The following KALRN variants were observed in gnomAD, a reference collection of about 807,000 sequenced individuals.
KALRN encodes kalirin RhoGEF kinase, also known as kalirin.
KALRN carries 70 observed loss-of-function variants against 353.7 expected under a neutral mutation model. That is an observed-to-expected ratio of 0.20 (90% confidence interval 0.16 to 0.24). The LOEUF (loss-of-function observed/expected upper bound fraction) is 0.24, where lower values mean the gene tolerates loss of function less well. Among genes scored for constraint, KALRN ranks in the 10% least tolerant of loss-of-function variants. KALRN has a pLI of 1.00. For synonymous variants in KALRN, 1,391 were observed against 1,434.8 expected, an observed-to-expected ratio of 0.97 and a Z score of 0.69; for missense variants, 2,791 against 3,756.7, an observed-to-expected ratio of 0.74 and a Z score of 6.72.
At chr3:124,672,763 G>C (rs2086622567) in intron 48 of KALRN, among the ~76,000 whole-genome samples, 2 of 152,182 alleles carry the variant, frequency 1.3e-5, no homozygotes, top group Admixed American at 1.3e-4. Context: ...AGGCAAACCT[G>C]GTTTCTATTC....
chr3:124,045,586 A>T (rs1003523457), intron 1 of KALRN, among the ~76,000 whole-genome samples: 1 of 152,202 alleles, frequency 6.6e-6, no homozygotes, highest in Non-Finnish European at 1.5e-5. Context: ...AGAACTAATC[A>T]ATTTTAGCAT....
intron 6 of KALRN, among the ~76,000 whole-genome samples, chr3:124,323,839 C>A (rs1398424616): frequency 6.6e-6 from 1 of 152,228 alleles, no homozygotes; most frequent in East Asian, 1.9e-4. Flanking sequence ...CTCTATCAGA[C>A]ACTGTCAATG....
rs143236975 is a variant in KALRN, at chr3:124,498,257, C to T, written c.4935+1844C>T. Among the ~76,000 whole-genome samples, 161 of 152,340 alleles carry T rather than the reference C, an allele frequency of 1.1e-3. 2 individuals are homozygous for T. The highest frequency in any genetic ancestry group is 1.9e-3 in the Admixed American group (29 of 15,306). On this transcript the variant is annotated intron_variant, in intron 33 of 59. Transcript: ENST00000682506. ...CAGTGCTCACATATTCATGTAGAAGCACCCATCATGTGCCAAGCTCTGTGC... is the reference window on the plus strand; with the variant it reads ...CAGTGCTCACATATTCATGTAGAAGTACCCATCATGTGCCAAGCTCTGTGC...
intron 51 of KALRN, among the ~76,000 whole-genome samples, chr3:124,690,821 C>A (rs2061774724): frequency 6.6e-6 from 1 of 152,198 alleles, no homozygotes; most frequent in Non-Finnish European, 1.5e-5. Context: ...TCCCAAAGTG[C>A]TGGGATTACA....
chr3:124,434,251 C>A, intron 16 of KALRN, 56 bp from the exon 17 acceptor site: 2 of 1,417,680 alleles, frequency 1.4e-6, no homozygotes, highest in South Asian at 1.2e-5. Context: ...TCCACCCCCT[C>A]CCATACCACG....
chr3:124,403,758 G>A (rs1286602291), intron 13 of KALRN, among the ~76,000 whole-genome samples: 1 of 152,200 alleles, frequency 6.6e-6, no homozygotes, highest in Non-Finnish European at 1.5e-5. Context: ...ATTCAACTCA[G>A]TAAACATTTG....
At chr3:124,326,236 C>A in intron 7 of KALRN, 65 bp downstream of exon 7, 1 of 1,408,276 alleles carries the variant, frequency 7.1e-7, no homozygotes, top group African/African-American at 1.4e-5. Flanking sequence ...CAGGGGAGGG[C>A]TGGATGGGAG....
rs541314331 is a variant in KALRN at position 124,116,547 on chromosome 3, C to A, written c.73+82734C>A. On this transcript the variant is annotated intron_variant, in intron 1 of 59. Coordinates refer to ENST00000682506, the MANE Select transcript of KALRN (RefSeq NM_001388419.1). ...GCTTTTCTTATCTTAAGTCTTGTAT[C>A]CTTTCCTCTCTTCTGTCCAGAAATG... is the stretch of plus-strand genomic sequence containing the variant. Among the ~76,000 whole-genome samples the A allele has an allele frequency of 2.8e-4, 43 of 152,228 alleles. 1 individual carries two copies. In the South Asian group the frequency reaches 8.9e-3, roughly 32 times the overall value.
chr3:124,108,247 G>A (rs941301225), intron 1 of KALRN, among the ~76,000 whole-genome samples: 1 of 152,134 alleles, frequency 6.6e-6, no homozygotes, highest in African/African-American at 2.4e-5. Context: ...TGGGTACTCT[G>A]CTTGGCTCCT....
chr3:124,656,937 C>G (rs2084122655), intron 39 of KALRN, among the ~76,000 whole-genome samples: 1 of 152,144 alleles, frequency 6.6e-6, no homozygotes, highest in Non-Finnish European at 1.5e-5. Context: ...GCAGGGAACT[C>G]AGACATCAGT....
At chr3:124,262,353 C>G (rs2072999188) in intron 3 of KALRN, among the ~76,000 whole-genome samples, 1 of 152,244 alleles carries the variant, frequency 6.6e-6, no homozygotes. Context: ...CTACCATTAG[C>G]ATCTCTTGCA....
At chr3:124,309,449 T>C (rs890524612) in intron 6 of KALRN, among the ~76,000 whole-genome samples, 1 of 152,170 alleles carries the variant, frequency 6.6e-6, no homozygotes, top group African/African-American at 2.4e-5. Flanking sequence ...TAGTCCCAGC[T>C]ACTTGTGAGG....
At chr3:124,616,392 C>T (rs144929237) in intron 34 of KALRN, among the ~76,000 whole-genome samples, 10 of 152,292 alleles carry the variant, frequency 6.6e-5, no homozygotes, top group African/African-American at 1.9e-4. Context: ...TAAAATAACT[C>T]GGCTAGACTG....
chr3:124,281,202 C>G (rs752723508), intron 5 of KALRN, among the ~76,000 whole-genome samples: 1 of 152,176 alleles, frequency 6.6e-6, no homozygotes, highest in South Asian at 2.1e-4. Flanking sequence ...CACCTCTAGT[C>G]TCTCCTTAGT....
chr3:124,657,656 G>C, intron 40 of KALRN, 78 bp from the exon 41 acceptor site: 1 of 1,376,328 alleles, frequency 7.3e-7, no homozygotes, highest in Non-Finnish European at 1.0e-6. Flanking sequence ...AGAGTCTTCT[G>C]TAATTCATCT....
chr3:124,183,390 T>A (rs2073856998), intron 1 of KALRN, among the ~76,000 whole-genome samples: 1 of 151,728 alleles, frequency 6.6e-6, no homozygotes, highest in Non-Finnish European at 1.5e-5. Context: ...ATGGTGAGAG[T>A]GGGAGCAAGA....
intron 10 of KALRN, among the ~76,000 whole-genome samples, chr3:124,378,170 A>C (rs1462462733): frequency 1.3e-5 from 2 of 151,702 alleles, no homozygotes; most frequent in Admixed American, 1.3e-4. Flanking sequence ...TTATGATCCC[A>C]TTTGACTTCC....
intron 1 of KALRN, among the ~76,000 whole-genome samples, chr3:124,070,608 G>A (rs116624930): frequency 0.038 from 5,792 of 152,306 alleles, 338 homozygotes; most frequent in African/African-American, 0.13. Context: ...TCACATGTTA[G>A]GTGTTTGCTA....
intron 5 of KALRN, among the ~76,000 whole-genome samples, chr3:124,289,069 G>T (rs771454845): frequency 1.3e-5 from 2 of 152,140 alleles, no homozygotes; most frequent in Non-Finnish European, 2.9e-5. Flanking sequence ...ATCCTGTGAG[G>T]ATCTACTTGC....
Sources: allele counts gnomAD v4.1 joint callset (sites outside exome capture counted in the v4.1 genomes callset), GRCh38; gene constraint gnomAD v4.1.1; transcripts MANE v1.5; gene names NCBI Gene and HGNC (gene_info 2026-07-23, HGNC 2026-07-21).